Variants in PTPRD observed in about 807,000 individuals in gnomAD.
The protein encoded by PTPRD is protein tyrosine phosphatase receptor type D.
A neutral mutation model predicts 214.5 loss-of-function variants in PTPRD; 34 were observed. The observed-to-expected ratio is 0.16, with a 90% CI of 0.12 to 0.21. The LOEUF is 0.21. Ranked by LOEUF, PTPRD falls within the 10% of genes least tolerant of loss-of-function variation. The pLI, the probability that PTPRD is intolerant of heterozygous loss-of-function variation, is 1.00. For missense variants in PTPRD, 2,545 were observed against 2,398.7 expected (o/e 1.06, Z -1.27); for synonymous variants, 1,128 against 845.7 (o/e 1.33, Z -5.79).
At chr9:8,443,718 A>G (rs2095625725) in intron 34 of PTPRD, among the ~76,000 whole-genome samples, 1 of 152,140 alleles carries the variant, frequency 6.6e-6, no homozygotes, top group African/African-American at 2.4e-5. Flanking sequence ...GGGACAGCAG[A>G]CACTTTAATA....
chr9:9,096,570 A>G (rs2154435219), intron 10 of PTPRD, among the ~76,000 whole-genome samples: 1 of 152,334 alleles, frequency 6.6e-6, no homozygotes, highest in East Asian at 1.9e-4. Flanking sequence ...GTGAAGATAT[A>G]GATGATTTCT....
intron 31 of PTPRD, 99 bp downstream of exon 31, chr9:8,470,896 G>A (rs1210033714): frequency 8.8e-6 from 9 of 1,027,374 alleles, no homozygotes; most frequent in Non-Finnish European, 1.4e-5. Context: ...GGAGAAGCCA[G>A]CACCCAGATT....
At chr9:10,430,692 G>A (rs1222707725) in intron 2 of PTPRD, among the ~76,000 whole-genome samples, 1 of 151,772 alleles carries the variant, frequency 6.6e-6, no homozygotes, top group African/African-American at 2.4e-5. Flanking sequence ...ATATATAACT[G>A]AAATATACTT....
chr9:8,820,926 C>T (rs1355413076), intron 11 of PTPRD, among the ~76,000 whole-genome samples: 1 of 152,244 alleles, frequency 6.6e-6, no homozygotes, highest in South Asian at 2.1e-4. Context: ...AATATGATGT[C>T]ATACAATCAT....
chr9:9,988,611 T>G (rs2154075920), intron 4 of PTPRD, among the ~76,000 whole-genome samples: 1 of 152,284 alleles, frequency 6.6e-6, no homozygotes, highest in South Asian at 2.1e-4. Context: ...AATCTTTTTT[T>G]CTGCCTAGTA....
chr9:9,628,476 C>T (rs1206722605), intron 7 of PTPRD, among the ~76,000 whole-genome samples: 2 of 152,142 alleles, frequency 1.3e-5, no homozygotes, highest in South Asian at 2.1e-4. Context: ...TCTTTCACTT[C>T]TTAGCTTGCC....
intron 11 of PTPRD, among the ~76,000 whole-genome samples, chr9:8,857,469 C>A (rs1352076128): frequency 6.6e-6 from 1 of 152,152 alleles, no homozygotes; most frequent in African/African-American, 2.4e-5. Context: ...CGAGGAGGTC[C>A]AGAGGAGCAA....
At chr9:10,162,705 ACACG>A (rs2099135636) in intron 3 of PTPRD, among the ~76,000 whole-genome samples, 1 of 146,854 alleles carries the variant, frequency 6.8e-6, no homozygotes, top group Non-Finnish European at 1.5e-5. Context: ...ATATACATAT[ACACG>A]TATATATATA....
At chr9:10,428,423 T>C (rs768462131) in intron 2 of PTPRD, among the ~76,000 whole-genome samples, 1 of 150,880 alleles carries the variant, frequency 6.6e-6, no homozygotes, top group Non-Finnish European at 1.5e-5. Flanking sequence ...TAATAAGCTA[T>C]AAATTCTGGG....
At chr9:9,488,664 G>A (rs2095763828) in intron 8 of PTPRD, among the ~76,000 whole-genome samples, 1 of 152,196 alleles carries the variant, frequency 6.6e-6, no homozygotes, top group Admixed American at 6.5e-5. Flanking sequence ...TTAGGAGAAT[G>A]CACTTGCAGA....
intron 2 of PTPRD, among the ~76,000 whole-genome samples, chr9:10,451,725 T>C (rs1244626943): frequency 1.3e-5 from 2 of 150,246 alleles, no homozygotes; most frequent in Non-Finnish European, 2.9e-5. Context: ...ATAAAGTGGT[T>C]TTCTAAGTAT....
chr9:9,112,664 A>G (rs780276572), intron 10 of PTPRD, among the ~76,000 whole-genome samples: 31 of 152,132 alleles, frequency 2.0e-4, no homozygotes, highest in Non-Finnish European at 4.3e-4. Context: ...TATTCATCAA[A>G]TGGCAAAATG....
At chr9:9,536,389 A>G (rs758912269) in intron 8 of PTPRD, among the ~76,000 whole-genome samples, 4 of 152,058 alleles carry the variant, frequency 2.6e-5, no homozygotes, top group Admixed American at 6.6e-5. Context: ...AACATTTAAA[A>G]TAGAATTTGC....
intron 33 of PTPRD, among the ~76,000 whole-genome samples, chr9:8,453,645 A>G (rs377199989): frequency 2.6e-5 from 4 of 152,236 alleles, no homozygotes; most frequent in Admixed American, 6.5e-5. Context: ...TTGCTGACCA[A>G]CATAAAGTGA....
rs921996481 is a variant in PTPRD, at chr9:8,761,703, A to T, written c.-103-27757T>A. Among the ~76,000 whole-genome samples, 4 of 152,334 alleles carry T rather than the reference A, an allele frequency of 2.6e-5. No individual in the cohort carries two copies. The East Asian group carries it at 7.7e-4, about 29-fold the overall frequency. On this transcript the variant is annotated intron_variant, in intron 11 of 45. Transcript: ENST00000381196. The stretch of plus-strand genomic sequence containing the variant: ...TTATAGACATCTAATAATACTGTTA[A>T]TAATAACCATGGTCAAGGACGAGAA...
chr9:9,717,426 A>G (rs2097854749), intron 7 of PTPRD, among the ~76,000 whole-genome samples: 1 of 152,172 alleles, frequency 6.6e-6, no homozygotes, highest in Non-Finnish European at 1.5e-5. Flanking sequence ...TATTGAATCT[A>G]TAAATTACCT....
At chr9:9,325,091 G>A (rs1333954695) in intron 9 of PTPRD, among the ~76,000 whole-genome samples, 3 of 152,162 alleles carry the variant, frequency 2.0e-5, no homozygotes, top group Non-Finnish European at 4.4e-5. Flanking sequence ...TTTGGTTACT[G>A]TAGCCTTGTA....
chr9:9,258,670 G>A (rs999359883), intron 9 of PTPRD, among the ~76,000 whole-genome samples: 52 of 151,872 alleles, frequency 3.4e-4, no homozygotes, highest in African/African-American at 1.3e-3. Flanking sequence ...AGCTAACTAA[G>A]ACTATACAAT....
intron 9 of PTPRD, among the ~76,000 whole-genome samples, chr9:9,187,581 C>A (rs2099932412): frequency 1.3e-5 from 2 of 151,804 alleles, no homozygotes; most frequent in African/African-American, 4.8e-5. Context: ...TTCCTCCCTC[C>A]CTCCCTGCTT....
Sources: gnomAD v4.1 joint callset for allele counts (sites outside exome capture counted in the v4.1 genomes callset) on GRCh38, gnomAD v4.1.1 for gene constraint, MANE v1.5 for transcripts, NCBI Gene and HGNC (gene_info 2026-07-23, HGNC 2026-07-21) for gene names.